The following EYS variants were observed in gnomAD, a reference collection of about 807,000 sequenced individuals.
EYS encodes the protein protein eyes shut homolog.
A neutral mutation model predicts 282.1 loss-of-function variants in EYS; 250 were observed. The ratio of observed to expected loss-of-function variants is 0.89; its 90% confidence interval spans 0.80 to 0.98. The LOEUF is 0.98. EYS is among the 50% of genes least tolerant of loss of function. The pLI is 0.00. For missense variants in EYS, 4,016 were observed against 3,709.0 expected (o/e 1.08, Z -2.15); for synonymous variants, 1,355 against 1,282.9 (o/e 1.06, Z -1.20).
chr6:64,591,494 G>T lies in EYS; in HGVS notation c.4373C>A (p.Thr1458Asn). ...FLLIAASISA[T>N]PVVSRGAQED... ...TTGAGCCCCCCTAGAGACAACTGGA[G>T]TTGCACTTATGGAGGCAGCTATAAG... The change falls in exon 26 of 43, where the codon ACT (threonine) becomes AAT (asparagine). Residue 1458 changes from threonine to asparagine, a missense_variant. Physicochemically the swap from Thr to Asn is moderately conservative, Grantham distance 65. Transcript: ENST00000503581. 1 of 1,551,348 alleles carries T rather than the reference G, an allele frequency of 6.4e-7. No homozygotes were observed. Among genetic ancestry groups the T allele is most frequent in the Non-Finnish European group, 8.7e-7 (1 of 1,146,776 alleles).
Position 63,981,899 on chromosome 6 carries a change from G to A in EYS, c.7055+2484C>T, listed in dbSNP as rs151274085. 5.3e-4 allele frequency among the ~76,000 whole-genome samples: 81 copies of A among 151,898 alleles called. 3 individuals are homozygous for A. Among genetic ancestry groups the A allele is most frequent in the Middle Eastern group, 3.4e-3 (1 of 294 alleles). ...TTACAATTACCTTGGCTCTTAGTTG[G>A]CTCTCAGACAATGTTTGTTGGAATA... On this transcript the variant is annotated intron_variant, in intron 35 of 42. Transcript: ENST00000503581.
chr6:63,721,154 A>T lies in EYS; in HGVS notation c.8877T>A (p.Phe2959Leu). ...TGTATTTAATGTAAGAATTACCCAT[A>T]AATTTTGCAGTTGAAAATGAAGTTT... ...ENKTSFSTAK[F>L]MGNSYIKYID... The change falls in exon 43 of 43, where the codon TTT (phenylalanine) becomes TTA (leucine). Residue 2959 changes from phenylalanine (F) to leucine (L), a missense_variant. Physicochemically the swap from Phe to Leu is conservative, Grantham distance 22 (BLOSUM62 0). Coordinates refer to ENST00000503581, the MANE Select transcript of EYS (RefSeq NM_001142800.2). 1 of 1,551,638 alleles carries T rather than the reference A, an allele frequency of 6.4e-7. No individual in the cohort carries two copies. The highest frequency in any genetic ancestry group is 8.7e-7 in the Non-Finnish European group (1 of 1,146,882).
intron 29 of EYS, among the ~76,000 whole-genome samples, chr6:64,315,122 T>C (rs1769895774): frequency 6.6e-6 from 1 of 152,016 alleles, no homozygotes; most frequent in Non-Finnish European, 1.5e-5. Flanking sequence ...AAATACAAAC[T>C]ACCATTAGAG....
chr6:65,621,649 C>T (rs1431352919), intron 2 of EYS, among the ~76,000 whole-genome samples: 3 of 151,672 alleles, frequency 2.0e-5, no homozygotes, highest in South Asian at 2.1e-4. Flanking sequence ...TTCCTAGTCT[C>T]GATGGTCTTT....
chr6:64,547,812 C>A (rs1260496379), intron 26 of EYS, among the ~76,000 whole-genome samples: 1 of 152,184 alleles, frequency 6.6e-6, no homozygotes, highest in Admixed American at 6.5e-5. Flanking sequence ...TGCGCAGGAG[C>A]CCATGGCAGT....
intron 15 of EYS, among the ~76,000 whole-genome samples, chr6:64,924,132 A>C (rs1402152619): frequency 1.3e-5 from 2 of 152,114 alleles, no homozygotes; most frequent in Admixed American, 6.5e-5. Context: ...AGGCGATTCC[A>C]TACATCTTCT....
chr6:65,138,749 C>T (rs1186640142), intron 12 of EYS, among the ~76,000 whole-genome samples: 5 of 152,106 alleles, frequency 3.3e-5, no homozygotes, highest in African/African-American at 1.2e-4. Flanking sequence ...AGCAATGTTG[C>T]AAGACAGAAA....
chr6:63,724,732 G>A (rs1013804511), intron 42 of EYS, among the ~76,000 whole-genome samples: 4 of 151,996 alleles, frequency 2.6e-5, no homozygotes, highest in Admixed American at 1.3e-4. Flanking sequence ...CTACTTGAGA[G>A]TACTCAAATT....
intron 14 of EYS, among the ~76,000 whole-genome samples, chr6:64,978,660 A>C (rs1313028023): frequency 1.3e-5 from 2 of 151,964 alleles, no homozygotes; most frequent in Non-Finnish European, 2.9e-5. Flanking sequence ...TCCTTCTGGA[A>C]AAGATTCACA....
intron 2 of EYS, among the ~76,000 whole-genome samples, chr6:65,519,474 A>G (rs1343972378): frequency 6.6e-6 from 1 of 150,612 alleles, no homozygotes; most frequent in African/African-American, 2.4e-5. Flanking sequence ...AAGGCATACC[A>G]AATACTAGAT....
chr6:64,189,630 C>T (rs897194127), intron 31 of EYS, among the ~76,000 whole-genome samples: 3 of 152,052 alleles, frequency 2.0e-5, no homozygotes, highest in East Asian at 1.9e-4. Context: ...GGAGATTATC[C>T]TCATTAATGT....
At chr6:65,011,353 T>C (rs907548966) in intron 13 of EYS, among the ~76,000 whole-genome samples, 2 of 152,294 alleles carry the variant, frequency 1.3e-5, no homozygotes, top group Admixed American at 6.5e-5. Flanking sequence ...TTTCAATCCC[T>C]GTATCTTTAA....
intron 35 of EYS, among the ~76,000 whole-genome samples, chr6:63,882,485 T>A (rs1182638489): frequency 6.6e-6 from 1 of 152,218 alleles, no homozygotes; most frequent in Non-Finnish European, 1.5e-5. Context: ...TATTTATTCA[T>A]TCATTCATTC....
At chr6:64,320,574 C>A (rs1462078748) in intron 29 of EYS, among the ~76,000 whole-genome samples, 1 of 151,250 alleles carries the variant, frequency 6.6e-6, no homozygotes, top group Non-Finnish European at 1.5e-5. Flanking sequence ...TTTTTAGTTT[C>A]CATTTTTCTC....
chr6:63,752,019 T>C (rs1769350515), intron 41 of EYS, among the ~76,000 whole-genome samples: 1 of 152,194 alleles, frequency 6.6e-6, no homozygotes, highest in East Asian at 1.9e-4. Context: ...TCTTCTAGGA[T>C]GTGGTGTTCT....
At chr6:64,478,012 T>C (rs995890320) in intron 26 of EYS, among the ~76,000 whole-genome samples, 1 of 152,102 alleles carries the variant, frequency 6.6e-6, no homozygotes, top group African/African-American at 2.4e-5. Flanking sequence ...GCAAAAGCAC[T>C]ATGTACCATT....
chr6:65,673,317 G>A (rs1055870626), intron 1 of EYS, among the ~76,000 whole-genome samples: 2 of 152,048 alleles, frequency 1.3e-5, no homozygotes, highest in East Asian at 1.9e-4. Context: ...AGATTAAGCC[G>A]AAGGAAGATT....
chr6:64,060,028 T>C (rs1197791328), intron 33 of EYS, among the ~76,000 whole-genome samples: 1 of 152,142 alleles, frequency 6.6e-6, no homozygotes, highest in African/African-American at 2.4e-5. Context: ...CTTGCCAAAC[T>C]TTCCATATTG....
intron 28 of EYS, chr6:64,412,507 T>C (rs1041754527): frequency 1.3e-5 from 2 of 152,124 alleles, no homozygotes; most frequent in African/African-American, 4.8e-5. Context: ...TGCATAAGTA[T>C]AGAAGAAAAG....
Sources: allele counts gnomAD v4.1 joint callset (sites outside exome capture counted in the v4.1 genomes callset), GRCh38; gene constraint gnomAD v4.1.1; transcripts MANE v1.5; gene names NCBI Gene and HGNC (gene_info 2026-07-23, HGNC 2026-07-21).